Variants in ACTR3C observed in about 807,000 individuals in gnomAD.
The protein encoded by ACTR3C is actin related protein 3C.
A neutral mutation model predicts 26.3 loss-of-function variants in ACTR3C; 18 were observed. The ratio of observed to expected loss-of-function variants is 0.68; its 90% CI spans 0.47 to 1.01. The LOEUF is 1.01. Ranked by LOEUF, ACTR3C falls within the 50% of genes least tolerant of loss-of-function variation. The pLI is 0.00. For synonymous variants in ACTR3C, 55 were observed against 94.5 expected (o/e 0.58, Z 2.42); for missense variants, 184 against 250.7 (o/e 0.73, Z 1.80).
At chr7:150,158,922 C>G in the ACTR3C span, among the ~76,000 whole-genome samples, 1 of 148,314 alleles carries the variant, frequency 6.7e-6, no homozygotes, top group African/African-American at 2.6e-5. Flanking sequence ...CACACGTGCA[C>G]ACACATGTGC....
intron 6 of ACTR3C, among the ~76,000 whole-genome samples, chr7:150,271,388 A>G (rs1299517460): frequency 6.6e-6 from 1 of 150,402 alleles, no homozygotes; most frequent in Non-Finnish European, 1.5e-5. Flanking sequence ...CCCTGTGTCC[A>G]TGTCTTCTCA....
the ACTR3C span, among the ~76,000 whole-genome samples, chr7:149,975,447 AAAG>A: frequency 6.6e-6 from 1 of 152,078 alleles, no homozygotes; most frequent in African/African-American, 2.4e-5. Context: ...TTATATTAAG[AAAG>A]AAGAAAGATC....
intron 1 of ACTR3C, among the ~76,000 whole-genome samples, chr7:150,308,628 C>G (rs962245287): frequency 1.3e-5 from 2 of 152,084 alleles, no homozygotes; most frequent in Non-Finnish European, 2.9e-5. Context: ...TTTCTGCAGA[C>G]CCCTCTGACC....
intron 1 of ACTR3C, among the ~76,000 whole-genome samples, chr7:150,299,464 CAAAAAAAAAAAAA>C (rs759969034): frequency 2.5e-3 from 35 of 14,116 alleles, no homozygotes; most frequent in South Asian, 0.014. Flanking sequence ...GACCCCCTCT[CAAAAAAAAAAAAA>C]AAAAAAAAAA....
chr7:150,177,195 C>A, the ACTR3C span, among the ~76,000 whole-genome samples: 1 of 150,486 alleles, frequency 6.6e-6, no homozygotes, highest in Non-Finnish European at 1.5e-5. Context: ...TGAAATTATT[C>A]ATTTTGTAGT....
At chr7:150,098,361 A>G in the ACTR3C span, among the ~76,000 whole-genome samples, 2 of 151,694 alleles carry the variant, frequency 1.3e-5, no homozygotes, top group African/African-American at 2.4e-5. Flanking sequence ...TACAAATTAT[A>G]TTATATAGGA....
chr7:150,065,722 A>G, the ACTR3C span, among the ~76,000 whole-genome samples: 1 of 150,702 alleles, frequency 6.6e-6, no homozygotes, highest in Non-Finnish European at 1.5e-5. Context: ...TCCATTTTGC[A>G]TATGTTTTAG....
chr7:150,047,888 C>A, the ACTR3C span: 1 of 1,422,944 alleles, frequency 7.0e-7, no homozygotes, highest in South Asian at 1.2e-5. Context: ...GTCTTTAGGG[C>A]TTTTTAATAT....
intron 6 of ACTR3C, among the ~76,000 whole-genome samples, chr7:150,260,057 T>C (rs1833531491): frequency 6.6e-6 from 1 of 152,230 alleles, no homozygotes; most frequent in Admixed American, 6.5e-5. Flanking sequence ...GTGCCTGTTT[T>C]TGCAAATAAA....
the ACTR3C span, among the ~76,000 whole-genome samples, chr7:150,037,026 G>T: frequency 9.2e-6 from 1 of 108,436 alleles, no homozygotes; most frequent in African/African-American, 3.3e-5. Flanking sequence ...CCAACAGCCA[G>T]GGGCGGAAGA....
chr7:150,080,998 T>A, the ACTR3C span, among the ~76,000 whole-genome samples: 7 of 152,222 alleles, frequency 4.6e-5, no homozygotes, highest in Non-Finnish European at 8.8e-5. Context: ...TACAATTCTT[T>A]AATGACTATT....
At chr7:150,317,195 G>A (rs976083464) in intron 1 of ACTR3C, among the ~76,000 whole-genome samples, 2 of 151,954 alleles carry the variant, frequency 1.3e-5, no homozygotes, top group African/African-American at 2.4e-5. Flanking sequence ...GGGATTACAG[G>A]CGTGCAGCAT....
the ACTR3C span, among the ~76,000 whole-genome samples, chr7:150,049,516 G>T: frequency 2.0e-5 from 3 of 152,238 alleles, no homozygotes; most frequent in African/African-American, 7.2e-5. Flanking sequence ...GGGTTTCCAT[G>T]CCTGTTTCCA....
At chr7:150,185,310 T>G in the ACTR3C span, among the ~76,000 whole-genome samples, 2 of 152,128 alleles carry the variant, frequency 1.3e-5, no homozygotes, top group South Asian at 2.1e-4. Flanking sequence ...TGTGTGTGTG[T>G]GTGTGTGTGT....
the ACTR3C span, among the ~76,000 whole-genome samples, chr7:149,901,378 A>AT: frequency 6.7e-6 from 1 of 149,474 alleles, no homozygotes; most frequent in African/African-American, 2.5e-5. Flanking sequence ...TTTTGTTTTT[A>AT]TTTTTTAGAG....
At chr7:150,045,199 C>CT in the ACTR3C span, 6 of 152,120 alleles carry the variant, frequency 3.9e-5, no homozygotes, top group Admixed American at 6.5e-5. Context: ...TACCTAATGT[C>CT]TTTTTTTGTT....
At chr7:149,906,427 T>G in the ACTR3C span, among the ~76,000 whole-genome samples, 78 of 73,650 alleles carry the variant, frequency 1.1e-3, 1 homozygote, top group South Asian at 0.038. Context: ...TTTTTTTTTT[T>G]TTTTTTTTTT....
the ACTR3C span, among the ~76,000 whole-genome samples, chr7:150,205,754 T>TA: frequency 6.6e-6 from 1 of 152,076 alleles, no homozygotes; most frequent in African/African-American, 2.4e-5. Flanking sequence ...TAACCAATAC[T>TA]AACCTGGGAA....
At chr7:150,196,584 T>C in the ACTR3C span, among the ~76,000 whole-genome samples, 1 of 152,354 alleles carries the variant, frequency 6.6e-6, no homozygotes, top group South Asian at 2.1e-4. Context: ...TTTTGATTGC[T>C]TTGTCTCTTG....
Sources: allele counts gnomAD v4.1 joint callset (sites outside exome capture counted in the v4.1 genomes callset), GRCh38; gene constraint gnomAD v4.1.1; transcripts MANE v1.5; gene names NCBI Gene and HGNC (gene_info 2026-07-23, HGNC 2026-07-21).